The following KHDRBS3 variants were observed in gnomAD, a reference collection of about 807,000 sequenced individuals.
KHDRBS3 encodes KH domain-containing, RNA-binding, signal transduction-associated protein 3.
A neutral mutation model predicts 45.6 loss-of-function variants in KHDRBS3; 23 were observed. The ratio of observed to expected loss-of-function variants is 0.50; its 90% CI spans 0.36 to 0.72. The LOEUF is 0.72. Ranked by LOEUF, KHDRBS3 falls within the 30% of genes least tolerant of loss-of-function variation. KHDRBS3 has a pLI of 0.00. For synonymous variants in KHDRBS3, 162 were observed against 156.5 expected (o/e 1.04, Z -0.26); for missense variants, 352 against 424.8 (o/e 0.83, Z 1.51).
chr8:135,532,574 G>T (rs2130718440), intron 2 of KHDRBS3, among the ~76,000 whole-genome samples: 1 of 152,082 alleles, frequency 6.6e-6, no homozygotes, highest in Middle Eastern at 3.4e-3. Context: ...CACACGGAGT[G>T]GTTTTTTGTG....
intron 1 of KHDRBS3, among the ~76,000 whole-genome samples, chr8:135,500,259 CTT>C (rs879776294): frequency 2.1e-5 from 3 of 143,784 alleles, no homozygotes; most frequent in Non-Finnish European, 1.5e-5. Flanking sequence ...TAGTTTGGTT[CTT>C]TTTTTTTTTT....
chr8:135,565,958 C>T (rs1457345076), intron 5 of KHDRBS3, among the ~76,000 whole-genome samples: 2 of 152,120 alleles, frequency 1.3e-5, no homozygotes, highest in Non-Finnish European at 2.9e-5. Context: ...TAGTTTTTTG[C>T]CTAAGGTTTG....
chr8:135,559,198 C>A (rs924083712), intron 5 of KHDRBS3, among the ~76,000 whole-genome samples: 5 of 151,920 alleles, frequency 3.3e-5, no homozygotes, highest in Admixed American at 2.0e-4. Flanking sequence ...GATAAGGTAA[C>A]CTTGTCTAGA....
chr8:135,567,863 G>A (rs909769979), intron 5 of KHDRBS3, among the ~76,000 whole-genome samples: 4 of 152,172 alleles, frequency 2.6e-5, no homozygotes, highest in African/African-American at 7.2e-5. Flanking sequence ...TTGCCTGCTG[G>A]AATTAAAAAA....
chr8:135,498,089 A>C (rs565473694), intron 1 of KHDRBS3, among the ~76,000 whole-genome samples: 115 of 152,198 alleles, frequency 7.6e-4, no homozygotes, highest in African/African-American at 2.4e-3. Context: ...ATGGCTCTGT[A>C]TGAAGGGGAT....
intron 1 of KHDRBS3, among the ~76,000 whole-genome samples, chr8:135,505,219 G>A (rs920120388): frequency 6.6e-6 from 1 of 152,202 alleles, no homozygotes; most frequent in Admixed American, 6.5e-5. Flanking sequence ...AACCCTAAGA[G>A]TTGGAGATGG....
chr8:135,458,029 C>T, intron 1 of KHDRBS3, 75 bp downstream of exon 1: 2 of 1,476,000 alleles, frequency 1.4e-6, no homozygotes, highest in Non-Finnish European at 1.8e-6. Context: ...CAGGGGGCCC[C>T]TCCGTGCCCT....
chr8:135,470,954 A>G (rs561254728), intron 1 of KHDRBS3, among the ~76,000 whole-genome samples: 29 of 152,318 alleles, frequency 1.9e-4, no homozygotes, highest in Non-Finnish European at 2.9e-4. Flanking sequence ...GAATAGCTTC[A>G]GTTTCTTCAT....
rs996109482 is a variant in KHDRBS3, at chr8:135,484,938, G to A, written c.88+26984G>A. ...TATTATTATTTTATAGATGCTATTT[G>A]TCGAGTGCTGTGCCAACTGTGGAGC... is the stretch of plus-strand genomic sequence containing the variant. On this transcript the variant is annotated intron_variant, in intron 1 of 8. Transcript: ENST00000355849. Among the ~76,000 whole-genome samples the A allele has an allele frequency of 2.0e-5, 3 of 152,104 alleles. No homozygotes were observed. In the South Asian group the frequency reaches 6.2e-4, roughly 32 times the overall value.
chr8:135,592,434 T>C (rs73712080), intron 6 of KHDRBS3, among the ~76,000 whole-genome samples: 1 of 152,162 alleles, frequency 6.6e-6, no homozygotes, highest in African/African-American at 2.4e-5. Flanking sequence ...ATGTAACATA[T>C]CCCTCAGGTG....
At chr8:135,596,433 C>T (rs117911493) in intron 6 of KHDRBS3, among the ~76,000 whole-genome samples, 1 of 152,170 alleles carries the variant, frequency 6.6e-6, no homozygotes, top group South Asian at 2.1e-4. Flanking sequence ...AGCTATACTT[C>T]CAGAGAATGC....
downstream of KHDRBS3, among the ~76,000 whole-genome samples, chr8:135,651,885 T>A (rs1049582588): frequency 2.6e-5 from 4 of 152,210 alleles, no homozygotes; most frequent in Non-Finnish European, 5.9e-5. Context: ...ACAGTCATGT[T>A]AACGATACTA....
At chr8:135,536,057 A>G (rs1825730251) in intron 2 of KHDRBS3, among the ~76,000 whole-genome samples, 1 of 151,976 alleles carries the variant, frequency 6.6e-6, no homozygotes, top group Non-Finnish European at 1.5e-5. Flanking sequence ...AAAGCTTTTA[A>G]GAAGGTTTCA....
intron 2 of KHDRBS3, among the ~76,000 whole-genome samples, chr8:135,536,748 CA>C (rs1825778882): frequency 6.6e-6 from 1 of 150,956 alleles, no homozygotes; most frequent in Non-Finnish European, 1.5e-5. Context: ...ATCATGAGGT[CA>C]GGAGATCGAG....
intron 5 of KHDRBS3, among the ~76,000 whole-genome samples, chr8:135,560,123 T>C (rs1156607032): frequency 6.6e-6 from 1 of 152,146 alleles, no homozygotes; most frequent in East Asian, 1.9e-4. Flanking sequence ...AGCATTCCAA[T>C]CTTCTTAGTG....
intron 1 of KHDRBS3, among the ~76,000 whole-genome samples, chr8:135,488,959 A>G (rs1209099183): frequency 2.0e-5 from 3 of 152,312 alleles, no homozygotes; most frequent in Non-Finnish European, 4.4e-5. Flanking sequence ...TTAGTTGTGC[A>G]ATGTTGGTTA....
chr8:135,497,047 A>T (rs1823486591), intron 1 of KHDRBS3, among the ~76,000 whole-genome samples: 2 of 152,224 alleles, frequency 1.3e-5, no homozygotes, highest in Admixed American at 1.3e-4. Context: ...TCAGTCAGTA[A>T]AGTGAGTCCA....
chr8:135,545,747 C>A (rs1024754731), intron 3 of KHDRBS3, among the ~76,000 whole-genome samples: 1 of 152,172 alleles, frequency 6.6e-6, no homozygotes, highest in Non-Finnish European at 1.5e-5. Flanking sequence ...TCCCATACTG[C>A]GCTGTAGCCT....
At chr8:135,651,971 G>A (rs1831440084), downstream of KHDRBS3, among the ~76,000 whole-genome samples, 1 of 152,132 alleles carries the variant, frequency 6.6e-6, no homozygotes, top group East Asian at 1.9e-4. Context: ...ACAGGTTCCA[G>A]AATGTAAAAC....
Sources: gnomAD v4.1 joint callset for allele counts (sites outside exome capture counted in the v4.1 genomes callset) on GRCh38, gnomAD v4.1.1 for gene constraint, MANE v1.5 for transcripts, NCBI Gene and HGNC (gene_info 2026-07-23, HGNC 2026-07-21) for gene names.